Variants in CHD3 observed in about 807,000 individuals in gnomAD.
CHD3 encodes chromodomain helicase DNA binding protein 3, also known as ATP-dependent chromatin remodeler CHD3.
In CHD3, 52 loss-of-function variants were observed where a neutral mutation model predicts 248.9. That is an observed-to-expected ratio of 0.21 (90% confidence interval 0.17 to 0.26). The LOEUF is 0.26. CHD3 is among the 10% of genes least tolerant of loss of function. The pLI is 1.00. For missense variants in CHD3, 1,482 were observed against 2,605.8 expected, an observed-to-expected ratio of 0.57 and a Z score of 9.39; for synonymous variants, 985 against 985.2, an observed-to-expected ratio of 1.00 and a Z score of 0.00.
intron 6 of CHD3, 51 bp from the exon 7 acceptor site, chr17:7,894,064 G>A: frequency 6.3e-7 from 1 of 1,598,602 alleles, no homozygotes; most frequent in African/African-American, 1.3e-5. Flanking sequence ...AAGGCCTGGG[G>A]AGGGCGTAGA....
rs1447497133 is a variant in CHD3 at position 7,897,659 on chromosome 17, A to G, written c.1920-312A>G. Among the ~76,000 whole-genome samples, 3 of 152,186 alleles carry G rather than the reference A, an allele frequency of 2.0e-5. No homozygotes were observed. The highest frequency in any genetic ancestry group is 1.9e-4 in the East Asian group (1 of 5,198). On this transcript the variant is annotated intron_variant, in intron 11 of 39. Transcript: ENST00000330494. This position sits in a 1 kb window ranked among gnomAD's most constrained non-coding sequence, Gnocchi z 4.8. ...TTACTGCCTAAACTTAATGGTATGT[A>G]TTTAGTTATTTCAATGCTGCCTTCC...
Position 7,897,788 on chromosome 17 carries a change from C to A in CHD3, c.1920-183C>A, listed in dbSNP as rs1166277576. Reference sequence around the variant, plus strand: ...TTTGTGATAGCTGATTTTTAGGATACCATCCTGAGAAGGTTAGGCTGCTAG... The same window carrying A: ...TTTGTGATAGCTGATTTTTAGGATAACATCCTGAGAAGGTTAGGCTGCTAG... On this transcript the variant is annotated intron_variant, in intron 11 of 39. Transcript: ENST00000330494. The surrounding 1 kb of genome is among the most constrained non-coding windows in gnomAD (Gnocchi z 4.8). 6.6e-6 allele frequency among the ~76,000 whole-genome samples: 1 copy of A among 152,200 alleles called. No homozygotes were observed. Among genetic ancestry groups the A allele is most frequent in the Non-Finnish European group, 1.5e-5 (1 of 68,036 alleles).
At position 7,903,882 on chromosome 17, in the gene CHD3, G is replaced by A; in HGVS notation, c.3785G>A (p.Arg1262Gln). The A allele has an allele frequency of 6.2e-7, 1 of 1,614,098 alleles. No individual in the cohort carries two copies. The highest frequency in any genetic ancestry group is 8.5e-7 in the Non-Finnish European group (1 of 1,180,006). Residue 1262 changes from arginine to glutamine, a missense_variant, in exon 24 of 40, where the codon CGG becomes CAG. Arg to Gln is a conservative substitution (Grantham distance 43, BLOSUM62 1). Transcript: ENST00000330494. This position sits in a 1 kb window ranked among gnomAD's most constrained non-coding sequence, Gnocchi z 6.8. ...VIHYDNEAIARLLDRNQDATE... is the reference protein window; with the variant it reads ...VIHYDNEAIAQLLDRNQDATE... ...CATTATGACAATGAGGCCATCGCTC[G>A]GCTGTTGGACCGGAACCAGGATGCA...
In CHD3 at chr17:7,893,577, A is replaced by G. The variant is rs367944735; in HGVS notation, c.793+8A>G. 2.1e-4 allele frequency: 325 copies of G among 1,554,432 alleles called. No homozygotes were observed. Among genetic ancestry groups the G allele is most frequent in the Non-Finnish European group, 2.7e-4 (315 of 1,150,228 alleles). On this transcript the variant is annotated splice_region_variant and intron_variant, in intron 5 of 39. Transcript: ENST00000330494. ...AAACCAAAGAGGGCAAAGGTAGGGA[A>G]CTCTCTTCCAACAACTGTCATCTCA...
chr17:7,888,729 T>TGCGCGCGTGC (rs1343754499), upstream of CHD3: 4 of 959,912 alleles, frequency 4.2e-6, no homozygotes, highest in Admixed American at 3.9e-5. Flanking sequence ...TGGGTGTGGG[T>TGCGCGCGTGC]GCGCGCGTGC....
At chr17:7,893,963 C>T in intron 6 of CHD3, 28 bp downstream of exon 6, 1 of 1,358,960 alleles carries the variant, frequency 7.4e-7, no homozygotes, top group South Asian at 1.4e-5. Context: ...GTCTACTAAA[C>T]ACCTGGGGGC....
Position 7,906,160 on chromosome 17 carries a change from C to A in CHD3, c.4358+171C>A, listed in dbSNP as rs1211319966. 9.5e-7 allele frequency: 1 copy of A among 1,048,412 alleles called. No homozygotes were observed. The highest frequency in any genetic ancestry group is 1.5e-6 in the Non-Finnish European group (1 of 678,020). The allele number at this position is 1,048,412 out of a possible 1,614,324, so 64.9% of individuals were successfully genotyped here. ...TGGGGGGTGGTCTCAGCCCACTCCA[C>A]CTCCCCTCAGCCGAGCCTAGAGTAG... On this transcript the variant is annotated intron_variant, in intron 28 of 39. Transcript: ENST00000330494. The surrounding 1 kb of genome is among the most constrained non-coding windows in gnomAD (Gnocchi z 5.0).
chr17:7,885,020 C>A, upstream of CHD3: 2 of 1,207,684 alleles, frequency 1.7e-6, no homozygotes, highest in Non-Finnish European at 2.1e-6. Context: ...CGGCTGCCAC[C>A]TCTTCCCGCC....
chr17:7,896,274 T>G (rs1969641355), intron 10 of CHD3, among the ~76,000 whole-genome samples: 1 of 151,096 alleles, frequency 6.6e-6, no homozygotes, highest in Non-Finnish European at 1.5e-5. Context: ...TCTAATCCCA[T>G]TCCCTATCTC....
chr17:7,912,030 A>T lies in CHD3; in HGVS notation c.*445A>T, dbSNP rs1971724285. The T allele has an allele frequency of 6.6e-6, 2 of 302,030 alleles. No individual in the cohort carries two copies. Among genetic ancestry groups the T allele is most frequent in the Admixed American group, 9.7e-5 (2 of 20,520 alleles). 18.7% of individuals were successfully genotyped at this position (302,030 alleles called of 1,614,324 possible). On this transcript the variant is annotated 3_prime_UTR_variant, in exon 40 of 40. Transcript: ENST00000330494. The stretch of plus-strand genomic sequence containing the variant: ...TGGGGAAGAGAGCTTTGAAGAGAGG[A>T]GGGGGACTTTAGAGAGGGATGAAAA...
Position 7,903,739 on chromosome 17 carries a change from G to A in CHD3, c.3728-86G>A. 1.4e-6 allele frequency: 2 copies of A among 1,446,398 alleles called. No individual in the cohort carries two copies. Among genetic ancestry groups the A allele is most frequent in the Admixed American group, 2.2e-5 (1 of 46,216 alleles). 89.6% of individuals were successfully genotyped at this position (1,446,398 alleles called of 1,614,324 possible). A position where few individuals can be genotyped will look rare whatever the true frequency, so the allele number is the denominator to read the frequency against. Reference sequence around the variant, plus strand: ...GGAAAAAGCCTTCTCTAGGGCTCCTGTGAAAAGGACGCAGAGTAGAAGCTT... The same window carrying A: ...GGAAAAAGCCTTCTCTAGGGCTCCTATGAAAAGGACGCAGAGTAGAAGCTT... On this transcript the variant is annotated intron_variant, in intron 23 of 39. Coordinates refer to ENST00000330494, the MANE Select transcript of CHD3 (RefSeq NM_001005273.3). This position sits in a 1 kb window ranked among gnomAD's most constrained non-coding sequence, Gnocchi z 6.8.
Position 7,904,914 on chromosome 17 carries a change from T to C in CHD3, c.4073-186T>C, listed in dbSNP as rs1260952322. 6.6e-6 allele frequency among the ~76,000 whole-genome samples: 1 copy of C among 151,898 alleles called. No individual in the cohort carries two copies. Among genetic ancestry groups the C allele is most frequent in the Non-Finnish European group, 1.5e-5 (1 of 67,970 alleles). ...CCAGAGACTGAAGGTGGGCGGTGAA[T>C]GGAGATGGTGTAGGATATGCGGCTC... On this transcript the variant is annotated intron_variant, in intron 25 of 39. Coordinates refer to ENST00000330494, the MANE Select transcript of CHD3 (RefSeq NM_001005273.3). This position sits in a 1 kb window ranked among gnomAD's most constrained non-coding sequence, Gnocchi z 4.4.
chr17:7,899,997 A>G lies in CHD3; in HGVS notation c.2646A>G (p.Val882=). 1 of 1,613,762 alleles carries G rather than the reference A, an allele frequency of 6.2e-7. No homozygotes were observed. Among genetic ancestry groups the G allele is most frequent in the Non-Finnish European group, 8.5e-7 (1 of 1,179,686 alleles). ...LGSIRWACLV[V]DEAHRLKNNQ... Reference sequence around the variant, plus strand: ...CCATCCGCTGGGCCTGTCTTGTGGTAGATGAGGCCCATCGACTCAAGAACA... The same window carrying G: ...CCATCCGCTGGGCCTGTCTTGTGGTGGATGAGGCCCATCGACTCAAGAACA... The change falls in exon 16 of 40, where the codon GTA becomes GTG. Residue 882 remains valine (V), a synonymous_variant. Transcript: ENST00000330494. The surrounding 1 kb of genome is among the most constrained non-coding windows in gnomAD (Gnocchi z 6.8).
rs1970746973 is a variant in CHD3 at position 7,904,962 on chromosome 17, A to ACT, written c.4073-138_4073-137insCT. On this transcript the variant is annotated intron_variant, in intron 25 of 39. Transcript: ENST00000330494. This position sits in a 1 kb window ranked among gnomAD's most constrained non-coding sequence, Gnocchi z 4.4. ...CTCCCAAGTCAGACTTTGGGCAGTGATCTGGTGTTCCCAGAAGGACCAAGG... is the reference window on the plus strand; with the variant it reads ...CTCCCAAGTCAGACTTTGGGCAGTGACTTCTGGTGTTCCCAGAAGGACCAAGG... 1.3e-6 allele frequency: 1 copy of ACT among 783,926 alleles called. No individual in the cohort carries two copies. The highest frequency in any genetic ancestry group is 2.2e-6 in the Non-Finnish European group (1 of 458,008). The allele number at this position is 783,926 out of a possible 1,614,324, so 48.6% of individuals were successfully genotyped here.
chr17:7,898,959 T>A (rs1169236322), intron 13 of CHD3, 52 bp from the exon 14 acceptor site: 1 of 1,507,598 alleles, frequency 6.6e-7, no homozygotes, highest in Non-Finnish European at 9.2e-7. Flanking sequence ...AGACTAAGAC[T>A]GGAGGAGCCG....
rs1292474633 is a variant in CHD3 at position 7,895,653 on chromosome 17, C to G, written c.1707+111C>G. ...CCATACTCTTTGTTTTCTCTCATTT[C>G]AGGCCTGTGGCCTTCATACCCTACT... On this transcript the variant is annotated intron_variant, in intron 10 of 39. Transcript: ENST00000330494. This position sits in a 1 kb window ranked among gnomAD's most constrained non-coding sequence, Gnocchi z 4.9. 2 of 1,006,694 alleles carry G rather than the reference C, an allele frequency of 2.0e-6. No individual in the cohort carries two copies. Among genetic ancestry groups the G allele is most frequent in the South Asian group, 1.5e-5 (1 of 64,638 alleles). 62.4% of individuals were successfully genotyped at this position (1,006,694 alleles called of 1,614,324 possible). A position where few individuals can be genotyped will look rare whatever the true frequency, so the allele number is the denominator to read the frequency against.
rs751684167 is a variant in CHD3 at position 7,897,949 on chromosome 17, C to G, written c.1920-22C>G. On this transcript the variant is annotated intron_variant, in intron 11 of 39. Coordinates refer to ENST00000330494, the MANE Select transcript of CHD3 (RefSeq NM_001005273.3). This position sits in a 1 kb window ranked among gnomAD's most constrained non-coding sequence, Gnocchi z 4.8. ...GTGCAATATTTTCCTCCTGCTCCTCCCCATGGCCTCCTGCCCCACAGTGTG... is the reference window on the plus strand; with the variant it reads ...GTGCAATATTTTCCTCCTGCTCCTCGCCATGGCCTCCTGCCCCACAGTGTG... The G allele has an allele frequency of 6.2e-7, 1 of 1,607,990 alleles. No homozygotes were observed. The highest frequency in any genetic ancestry group is 8.5e-7 in the Non-Finnish European group (1 of 1,177,284).
In CHD3 at chr17:7,907,365, A is replaced by G. The variant is rs1178098165; in HGVS notation, c.4801A>G (p.Ser1601Gly). 1.2e-6 allele frequency: 2 copies of G among 1,604,722 alleles called. No individual in the cohort carries two copies. The highest frequency in any genetic ancestry group is 1.7e-6 in the Non-Finnish European group (2 of 1,175,232). ...EKMETEADAP[S>G]PAPSLGERLE... ...TGTCCTCTTCCAGGCTGATGCCCCC[A>G]GCCCAGCCCCATCACTTGGGGAGCG... is the stretch of plus-strand genomic sequence containing the variant. Residue 1601 changes from serine to glycine, a missense_variant, in exon 32 of 40, where the codon AGC becomes GGC. Ser to Gly is a moderately conservative substitution (Grantham distance 56, BLOSUM62 0). Around this residue, in one of 20 missense-constraint regions of CHD3, gnomAD observed 254 missense variants for 266.7 expected, o/e 0.95. Coordinates refer to ENST00000330494, the MANE Select transcript of CHD3 (RefSeq NM_001005273.3). The surrounding 1 kb of genome is among the most constrained non-coding windows in gnomAD (Gnocchi z 4.3).
Position 7,899,890 on chromosome 17 carries a change from T to C in CHD3, c.2545-6T>C. ...GCAGCTGAATGGGCAATAATTATGT[T>C]GGCAGAGGGAGGCACAGGTGAAGTT... is the stretch of plus-strand genomic sequence containing the variant. On this transcript the variant is annotated splice_region_variant and splice_polypyrimidine_tract_variant and intron_variant, in intron 15 of 39. Transcript: ENST00000330494. The surrounding 1 kb of genome is among the most constrained non-coding windows in gnomAD (Gnocchi z 6.8). The C allele has an allele frequency of 6.2e-7, 1 of 1,611,012 alleles. No homozygotes were observed. The highest frequency in any genetic ancestry group is 8.5e-7 in the Non-Finnish European group (1 of 1,178,354).
Sources: allele counts gnomAD v4.1 joint callset (sites outside exome capture counted in the v4.1 genomes callset), GRCh38; gene constraint gnomAD v4.1.1; regional missense constraint gnomAD v4.1.1; non-coding constraint Gnocchi (gnomAD v3.1); transcripts MANE v1.5; gene names NCBI Gene and HGNC (gene_info 2026-07-23, HGNC 2026-07-21).